Variants in TLE3 observed in about 807,000 individuals in gnomAD.
TLE3 encodes the protein TLE family member 3, transcriptional corepressor, also known as transducin-like enhancer protein 3.
Under a neutral mutation model 93.0 loss-of-function variants are expected in TLE3, and 14 were observed. The observed-to-expected ratio is 0.15, with a 90% CI of 0.10 to 0.24. TLE3 has a LOEUF of 0.24. Among genes scored for constraint, TLE3 ranks in the 10% least tolerant of loss-of-function variants. The pLI is 1.00. For missense variants in TLE3, 693 were observed against 1,046.6 expected, an observed-to-expected ratio of 0.66 and a Z score of 4.66; for synonymous variants, 451 against 425.0, an observed-to-expected ratio of 1.06 and a Z score of -0.75.
rs2058604403 is a variant in TLE3 at position 70,097,123 on chromosome 15, G to A, written c.-325C>T. ...GTCGAGCGCGTCAATGCCTGGGACT[G>A]CGCGGACATCGTCGGCTCCCCAGCA... On this transcript the variant is annotated 5_prime_UTR_variant, in exon 1 of 20. An upstream open reading frame in the 5' UTR gains an earlier in-frame stop. Coordinates refer to ENST00000451782, the MANE Select transcript of TLE3 (RefSeq NM_001105192.3). 2.3e-6 allele frequency: 1 copy of A among 432,642 alleles called. No individual in the cohort carries two copies. Among genetic ancestry groups the A allele is most frequent in the African/African-American group, 2.1e-5 (1 of 48,374 alleles). The allele number at this position is 432,642 out of a possible 1,614,324, so 26.8% of individuals were successfully genotyped here. A position where few individuals can be genotyped will look rare whatever the true frequency, so the allele number is the denominator to read the frequency against.
intron 4 of TLE3, among the ~76,000 whole-genome samples, chr15:70,085,673 G>C (rs766688754): frequency 7.2e-5 from 11 of 152,256 alleles, no homozygotes; most frequent in Non-Finnish European, 1.0e-4. Flanking sequence ...AGGACTGGGT[G>C]ACATGGAGAC....
chr15:70,094,058 A>G lies in TLE3; in HGVS notation c.234+474T>C, dbSNP rs368837744. Reference sequence around the variant, plus strand: ...GCAGTTAGTGGCTTCGTTCCCTTAAATTTCGACAGCTCAGCCTGGCTTTTA... The same window carrying G: ...GCAGTTAGTGGCTTCGTTCCCTTAAGTTTCGACAGCTCAGCCTGGCTTTTA... On this transcript the variant is annotated intron_variant, in intron 4 of 19. Coordinates refer to ENST00000451782, the MANE Select transcript of TLE3 (RefSeq NM_001105192.3). Among the ~76,000 whole-genome samples the G allele has an allele frequency of 1.6e-4, 24 of 152,200 alleles. 1 individual carries two copies. In the South Asian group the frequency reaches 4.1e-3, roughly 26 times the overall value.
At chr15:70,062,025 G>C (rs189551274) in intron 8 of TLE3, among the ~76,000 whole-genome samples, 54 of 152,304 alleles carry the variant, frequency 3.5e-4, no homozygotes, top group Non-Finnish European at 6.5e-4. Flanking sequence ...GAACGGGGCT[G>C]GGCAGTATTC....
rs568829103 is a variant in TLE3 at position 70,062,675 on chromosome 15, C to T, written c.594+1779G>A. On this transcript the variant is annotated intron_variant, in intron 8 of 19. Coordinates refer to ENST00000451782, the MANE Select transcript of TLE3 (RefSeq NM_001105192.3). ...CTTCCAGCCCGTCCCCCCATCCCCC[C>T]TCCCACTCTGACACAGCCCTGTCCT... Among the ~76,000 whole-genome samples the T allele has an allele frequency of 9.2e-5, 14 of 152,334 alleles. No individual in the cohort carries two copies. In the South Asian group the frequency reaches 2.5e-3, roughly 27 times the overall value.
Position 70,058,588 on chromosome 15 carries a change from C to A in TLE3, c.918+75G>T. ...CAGCTTCTCCCACTCCACCCCTCTG[C>A]CTGCCAATCGGCACCACCCCAGCTC... On this transcript the variant is annotated intron_variant, in intron 11 of 19. Transcript: ENST00000451782. This position sits in a 1 kb window ranked among gnomAD's most constrained non-coding sequence, Gnocchi z 4.1. 1 of 1,494,690 alleles carries A rather than the reference C, an allele frequency of 6.7e-7. No individual in the cohort carries two copies. The highest frequency in any genetic ancestry group is 8.9e-7 in the Non-Finnish European group (1 of 1,121,972). The allele number at this position is 1,494,690 out of a possible 1,614,324, so 92.6% of individuals were successfully genotyped here.
Position 70,054,529 on chromosome 15 carries a change from G to A in TLE3, c.1735C>T (p.Leu579=). 1.2e-6 allele frequency: 2 copies of A among 1,614,070 alleles called. No homozygotes were observed. Among genetic ancestry groups the A allele is most frequent in the Admixed American group, 1.7e-5 (1 of 60,034 alleles). The change falls in exon 16 of 20, where the codon CTG becomes TTG. Residue 579 remains leucine, a synonymous_variant. Coordinates refer to ENST00000451782, the MANE Select transcript of TLE3 (RefSeq NM_001105192.3). Reference sequence around the variant, plus strand: ...ACTTTGGCGTCAGGGCTAATGGCCAGGGCATAACAGGCGGGAGCCGAGGAC... The same window carrying A: ...ACTTTGGCGTCAGGGCTAATGGCCAAGGCATAACAGGCGGGAGCCGAGGAC... ...LTSSAPACYA[L]AISPDAKVCF... is the part of the protein sequence containing the mutation.
intron 8 of TLE3, among the ~76,000 whole-genome samples, chr15:70,062,227 G>T (rs941438774): frequency 6.6e-5 from 10 of 152,334 alleles, no homozygotes; most frequent in South Asian, 2.1e-4. Context: ...GAGCGGTGGC[G>T]ATGCGCGCAC....
At chr15:70,053,666 G>T in intron 16 of TLE3, 1 of 247,632 alleles carries the variant, frequency 4.0e-6, no homozygotes, top group Non-Finnish European at 7.8e-6. Flanking sequence ...CCTCCAGGGT[G>T]GGCCTCTGGA....
chr15:70,086,105 G>C (rs2058025861), intron 4 of TLE3, among the ~76,000 whole-genome samples: 1 of 152,086 alleles, frequency 6.6e-6, no homozygotes, highest in African/African-American at 2.4e-5. Flanking sequence ...CCTCACTCCA[G>C]ACCATCTGGC....
intron 13 of TLE3, 71 bp downstream of exon 13, chr15:70,057,388 A>C: frequency 3.3e-6 from 5 of 1,500,780 alleles, no homozygotes; most frequent in African/African-American, 1.4e-5. Flanking sequence ...GCATGTGGGG[A>C]GCACCCGTCC....
intron 4 of TLE3, among the ~76,000 whole-genome samples, chr15:70,082,681 C>A (rs1414843387): frequency 6.6e-6 from 1 of 152,246 alleles, no homozygotes; most frequent in Non-Finnish European, 1.5e-5. Context: ...CCCAGCCCCC[C>A]TCAGCGTGAC....
intron 7 of TLE3, among the ~76,000 whole-genome samples, chr15:70,065,275 C>A (rs1425280603): frequency 6.6e-6 from 1 of 152,236 alleles, no homozygotes; most frequent in African/African-American, 2.4e-5. Context: ...TGAAAAGGGC[C>A]TCCCAGGGAG....
At chr15:70,053,397 A>C (rs2055719243) in intron 16 of TLE3, 23 bp from the exon 17 acceptor site, 1 of 1,588,098 alleles carries the variant, frequency 6.3e-7, no homozygotes. Context: ...AGCAGGGAGG[A>C]GGGTGAGTCC....
At chr15:70,095,726 T>A in intron 2 of TLE3, 85 bp from the exon 3 acceptor site, 2 of 1,476,182 alleles carry the variant, frequency 1.4e-6, no homozygotes, top group Non-Finnish European at 1.8e-6. Context: ...TAGAGCCACT[T>A]TTCCACTTTC....
rs201512165 is a variant in TLE3 at position 70,094,633 on chromosome 15, A to C, written c.190-57T>G. On this transcript the variant is annotated intron_variant, in intron 3 of 19. Coordinates refer to ENST00000451782, the MANE Select transcript of TLE3 (RefSeq NM_001105192.3). ...AACACAGAAATCTGGTCATTTTTCAAAATCAGTTTTTTCTTGGAAAGGTTT... is the reference window on the plus strand; with the variant it reads ...AACACAGAAATCTGGTCATTTTTCACAATCAGTTTTTTCTTGGAAAGGTTT... 1,333 of 1,343,514 alleles carry C rather than the reference A, an allele frequency of 9.9e-4. 4 individuals are homozygous for C. The highest frequency in any genetic ancestry group is 1.2e-3 in the Non-Finnish European group (1,175 of 984,834). The allele number at this position is 1,343,514 out of a possible 1,614,324, so 83.2% of individuals were successfully genotyped here.
chr15:70,055,265 C>T lies in TLE3; in HGVS notation c.1362G>A (p.Gln454=), dbSNP rs1327806845. ...CGTGGGGGAAGGGCACGGGCTGCAT[C>T]TGCCCATCAGCACTCACATGGAATG... ...AYSFHVSADG[Q]MQPVPFPHDA... The change falls in exon 15 of 20, where the codon CAG becomes CAA. Residue 454 remains glutamine (Q), a synonymous_variant. Coordinates refer to ENST00000451782, the MANE Select transcript of TLE3 (RefSeq NM_001105192.3). 4 of 1,602,582 alleles carry T rather than the reference C, an allele frequency of 2.5e-6. No homozygotes were observed. Among genetic ancestry groups the T allele is most frequent in the Admixed American group, 3.4e-5 (2 of 59,648 alleles).
At position 70,097,119 on chromosome 15, in the gene TLE3, G is replaced by A. The variant is rs2058604180; in HGVS notation, c.-321C>T. 4 of 440,280 alleles carry A rather than the reference G, an allele frequency of 9.1e-6. No homozygotes were observed. Among genetic ancestry groups the A allele is most frequent in the Non-Finnish European group, 1.6e-5 (4 of 254,814 alleles). The allele number at this position is 440,280 out of a possible 1,614,324, so 27.3% of individuals were successfully genotyped here. On this transcript the variant is annotated 5_prime_UTR_variant, in exon 1 of 20. Coordinates refer to ENST00000451782, the MANE Select transcript of TLE3 (RefSeq NM_001105192.3). ...CTGCGTCGAGCGCGTCAATGCCTGG[G>A]ACTGCGCGGACATCGTCGGCTCCCC...
Position 70,066,037 on chromosome 15 carries a change from T to G in TLE3, c.554A>C (p.Asn185Thr). The G allele has an allele frequency of 6.8e-7, 1 of 1,474,060 alleles. No individual in the cohort carries two copies. The highest frequency in any genetic ancestry group is 1.4e-5 in the African/African-American group (1 of 70,114). 91.3% of individuals were successfully genotyped at this position (1,474,060 alleles called of 1,614,324 possible). Reference sequence around the variant, plus strand: ...ACCTCTGTGATCGAGTTCATGGTGGTTCTTCTCATCCTTCACCGTCAGATG... The same window carrying G: ...ACCTCTGTGATCGAGTTCATGGTGGGTCTTCTCATCCTTCACCGTCAGATG... ...QAHLTVKDEK[N>T]HHELDHRERE... The change falls in exon 7 of 20, where the codon AAC becomes ACC. Residue 185 changes from asparagine (N) to threonine (T), a missense_variant. Transcript: ENST00000451782.
chr15:70,096,385 G>A, intron 1 of TLE3, 124 bp from the exon 2 acceptor site: 1 of 1,470,256 alleles, frequency 6.8e-7, no homozygotes, highest in South Asian at 1.3e-5. Flanking sequence ...AACCTTCCCA[G>A]CAAGTTTCTC....
Sources: gnomAD v4.1 joint callset for allele counts (sites outside exome capture counted in the v4.1 genomes callset) on GRCh38, gnomAD v4.1.1 for gene constraint, Gnocchi (gnomAD v3.1) non-coding constraint, MANE v1.5 for transcripts, NCBI Gene and HGNC (gene_info 2026-07-23, HGNC 2026-07-21) for gene names.